The following AKAP5 variants were observed in gnomAD, a reference collection of about 807,000 sequenced individuals.
The protein encoded by AKAP5 is A-kinase anchoring protein 5, also known as A-kinase anchor protein 5.
Under a neutral mutation model 13.8 loss-of-function variants are expected in AKAP5, and 5 were observed. The observed-to-expected ratio is 0.36, with a 90% CI of 0.19 to 0.76. AKAP5 has a LOEUF of 0.76. Ranked by LOEUF, AKAP5 falls within the 30% of genes least tolerant of loss-of-function variation. The pLI is 0.51. For missense variants in AKAP5, 406 were observed against 484.4 expected, an observed-to-expected ratio of 0.84 and a Z score of 1.52; for synonymous variants, 148 against 167.2, an observed-to-expected ratio of 0.89 and a Z score of 0.89.
Position 64,470,662 on chromosome 14 carries a change from G to A in AKAP5, c.*984G>A, listed in dbSNP as rs929244294. On this transcript the variant is annotated 3_prime_UTR_variant, in exon 2 of 2. Transcript: ENST00000394718. ...AGGCAAATTGTTACTAAGTGCAAAA[G>A]TGTAGAAACAGGGAGAGTGGGTTTT... 1 of 165,578 alleles carries A rather than the reference G, an allele frequency of 6.0e-6. No individual in the cohort carries two copies. Among genetic ancestry groups the A allele is most frequent in the Non-Finnish European group, 1.5e-5 (1 of 67,918 alleles). 10.3% of individuals were successfully genotyped at this position (165,578 alleles called of 1,614,324 possible). A position where few individuals can be genotyped will look rare whatever the true frequency, so the allele number is the denominator to read the frequency against.
Position 64,468,457 on chromosome 14 carries a change from T to C in AKAP5, c.63T>C (p.Gly21=), listed in dbSNP as rs1404329712. The change falls in exon 2 of 2, where the codon GGT becomes GGC. Residue 21 remains glycine, a synonymous_variant. Transcript: ENST00000394718. ...ENKDEKRSAE[G]SPGAERQKEK... ...AGGATGAGAAGAGATCAGCAGAAGG[T>C]AGTCCTGGGGCTGAAAGGCAGAAGG... 6.2e-7 allele frequency: 1 copy of C among 1,613,884 alleles called. No homozygotes were observed. The highest frequency in any genetic ancestry group is 8.5e-7 in the Non-Finnish European group (1 of 1,180,012).
rs1370381197 is a variant in AKAP5 at position 64,471,113 on chromosome 14, A to G, written c.*1435A>G. The G allele has an allele frequency of 2.4e-5, 4 of 166,528 alleles. No individual in the cohort carries two copies. Among genetic ancestry groups the G allele is most frequent in the East Asian group, 1.9e-4 (1 of 5,194 alleles). The allele number at this position is 166,528 out of a possible 1,614,324, so 10.3% of individuals were successfully genotyped here. A position where few individuals can be genotyped will look rare whatever the true frequency, so the allele number is the denominator to read the frequency against. ...TTGAGACCAGTAAAAAGCATTTTAC[A>G]TGAATATTGAAAGTTAACTTTTTCA... On this transcript the variant is annotated 3_prime_UTR_variant, in exon 2 of 2. Coordinates refer to ENST00000394718, the MANE Select transcript of AKAP5 (RefSeq NM_004857.3).
At position 64,468,555 on chromosome 14, in the gene AKAP5, A is replaced by T. The variant is rs778633708; in HGVS notation, c.161A>T (p.Glu54Val). 5 of 1,614,110 alleles carry T rather than the reference A, an allele frequency of 3.1e-6. No homozygotes were observed. Among genetic ancestry groups the T allele is most frequent in the African/African-American group, 1.3e-5 (1 of 75,076 alleles). The change falls in exon 2 of 2, where the codon GAA becomes GTA. Residue 54 changes from glutamate (E) to valine (V), a missense_variant. Coordinates refer to ENST00000394718, the MANE Select transcript of AKAP5 (RefSeq NM_004857.3). ...GCACTGAAGCCCAAAGCTGGCTCTG[A>T]AGCTGCTGATGTGGCAAGGAAGTGT... Reference protein sequence around the residue: ...AKALKPKAGSEAADVARKCPQ... With the variant: ...AKALKPKAGSVAADVARKCPQ...
rs1334879267 is a variant in AKAP5, at chr14:64,472,608, G to A, written c.*2930G>A. 6.0e-6 allele frequency: 1 copy of A among 166,970 alleles called. No individual in the cohort carries two copies. Among genetic ancestry groups the A allele is most frequent in the African/African-American group, 2.4e-5 (1 of 41,436 alleles). 10.3% of individuals were successfully genotyped at this position (166,970 alleles called of 1,614,324 possible). A position where few individuals can be genotyped will look rare whatever the true frequency, so the allele number is the denominator to read the frequency against. On this transcript the variant is annotated 3_prime_UTR_variant, in exon 2 of 2. Coordinates refer to ENST00000394718, the MANE Select transcript of AKAP5 (RefSeq NM_004857.3). Reference sequence around the variant, plus strand: ...TTCTGTTTTTCTATTGAGAATATCTGTTGAATTAAGTAGGATTTCAGTTAG... The same window carrying A: ...TTCTGTTTTTCTATTGAGAATATCTATTGAATTAAGTAGGATTTCAGTTAG...
chr14:64,466,342 G>A (rs1423605113), intron 1 of AKAP5, among the ~76,000 whole-genome samples: 1 of 152,154 alleles, frequency 6.6e-6, no homozygotes. Context: ...TTTATTTCTA[G>A]TATGTGAGAT....
rs763569874 is a variant in AKAP5 at position 64,469,403 on chromosome 14, C to T, written c.1009C>T (p.Pro337Ser). The change falls in exon 2 of 2, where the codon CCA (proline) becomes TCA (serine). Residue 337 changes from proline to serine, a missense_variant. Pro to Ser is a moderately conservative substitution (Grantham distance 74). Transcript: ENST00000394718. The part of the protein sequence containing the change: ...SKSEESKRME[P>S]IAIIITDTEI... ...ATCAGAAGAAAGCAAAAGAATGGAGCCAATTGCTATTATTATTACAGACAC... is the reference window on the plus strand; with the variant it reads ...ATCAGAAGAAAGCAAAAGAATGGAGTCAATTGCTATTATTATTACAGACAC... 3.1e-6 allele frequency: 5 copies of T among 1,613,820 alleles called. No individual in the cohort carries two copies. The East Asian group carries it at 8.9e-5, about 29-fold the overall frequency.
Position 64,468,679 on chromosome 14 carries a change from A to C in AKAP5, c.285A>C (p.Ser95=), listed in dbSNP as rs964224672. ...CACGCAGGAAAAGGTCAGAGTCTTCAAAGCAGCAAAAGCCATTGGAGGGTG... is the reference window on the plus strand; with the variant it reads ...CACGCAGGAAAAGGTCAGAGTCTTCCAAGCAGCAAAAGCCATTGGAGGGTG... ...LVTRRKRSES[S]KQQKPLEGEM... Residue 95 remains serine, a synonymous_variant, in exon 2 of 2, where the codon TCA becomes TCC. Transcript: ENST00000394718. 1.1e-5 allele frequency: 17 copies of C among 1,614,104 alleles called. No homozygotes were observed. The highest frequency in any genetic ancestry group is 1.4e-5 in the Non-Finnish European group (17 of 1,180,044).
Position 64,469,736 on chromosome 14 carries a change from T to A in AKAP5, c.*58T>A. 1 of 1,242,210 alleles carries A rather than the reference T, an allele frequency of 8.1e-7. No homozygotes were observed. The highest frequency in any genetic ancestry group is 1.6e-5 in the South Asian group (1 of 63,080). The allele number at this position is 1,242,210 out of a possible 1,614,324, so 76.9% of individuals were successfully genotyped here. ...GCTTAATGAAGAATTCTTTTATACA[T>A]TTGTGGCATTTCTTACTCAGTAACA... On this transcript the variant is annotated 3_prime_UTR_variant, in exon 2 of 2. Coordinates refer to ENST00000394718, the MANE Select transcript of AKAP5 (RefSeq NM_004857.3).
chr14:64,473,368 A>G lies in AKAP5; in HGVS notation c.*3690A>G, dbSNP rs1388740113. ...CAAGGTAATGTATTTGACAGCATGA[A>G]GTTTGTGATGATCTTACTTGGTCTA... On this transcript the variant is annotated 3_prime_UTR_variant, in exon 2 of 2. Coordinates refer to ENST00000394718, the MANE Select transcript of AKAP5 (RefSeq NM_004857.3). The G allele has an allele frequency of 6.0e-6, 1 of 167,068 alleles. No individual in the cohort carries two copies. The highest frequency in any genetic ancestry group is 6.5e-5 in the Admixed American group (1 of 15,288). 10.3% of individuals were successfully genotyped at this position (167,068 alleles called of 1,614,324 possible).
At position 64,465,580 on chromosome 14, in the gene AKAP5, G is replaced by C. The variant is rs1050785730; in HGVS notation, c.-297G>C. Reference sequence around the variant, plus strand: ...GCCCCGCGAGCGCGCCGCCACCTCGGGAGCAGTGTTGGCCAAGGACCCCGA... The same window carrying C: ...GCCCCGCGAGCGCGCCGCCACCTCGCGAGCAGTGTTGGCCAAGGACCCCGA... On this transcript the variant is annotated 5_prime_UTR_variant, in exon 1 of 2. Transcript: ENST00000394718. 6.6e-6 allele frequency: 1 copy of C among 152,146 alleles called. No individual in the cohort carries two copies. The highest frequency in any genetic ancestry group is 2.4e-5 in the African/African-American group (1 of 41,444). The allele number at this position is 152,146 out of a possible 1,614,324, so 9.4% of individuals were successfully genotyped here. A position where few individuals can be genotyped will look rare whatever the true frequency, so the allele number is the denominator to read the frequency against.
At position 64,474,306 on chromosome 14, in the gene AKAP5, T is replaced by C. The variant is rs574745174; in HGVS notation, c.*4628T>C. 1.8e-5 allele frequency: 3 copies of C among 167,202 alleles called. No homozygotes were observed. The East Asian group carries it at 5.8e-4, about 32-fold the overall frequency. 10.4% of individuals were successfully genotyped at this position (167,202 alleles called of 1,614,324 possible). A position where few individuals can be genotyped will look rare whatever the true frequency, so the allele number is the denominator to read the frequency against. On this transcript the variant is annotated 3_prime_UTR_variant, in exon 2 of 2. Coordinates refer to ENST00000394718, the MANE Select transcript of AKAP5 (RefSeq NM_004857.3). ...AAAAAAGCCTGCATAGTGTTACATA[T>C]TTATAGTAGTTCTTTGTAAAAATGT... is the stretch of plus-strand genomic sequence containing the variant.
In AKAP5 at chr14:64,470,117, T is replaced by C. The variant is rs935660320; in HGVS notation, c.*439T>C. On this transcript the variant is annotated 3_prime_UTR_variant, in exon 2 of 2. Coordinates refer to ENST00000394718, the MANE Select transcript of AKAP5 (RefSeq NM_004857.3). ...AAACTTATTTTTTACAGTGCACATA[T>C]ATGTTTAAAATGGTGAATAAGGTGA... 1 of 168,370 alleles carries C rather than the reference T, an allele frequency of 5.9e-6. No individual in the cohort carries two copies. Among genetic ancestry groups the C allele is most frequent in the Non-Finnish European group, 1.5e-5 (1 of 68,960 alleles). The allele number at this position is 168,370 out of a possible 1,614,324, so 10.4% of individuals were successfully genotyped here.
chr14:64,469,341 A>C lies in AKAP5; in HGVS notation c.947A>C (p.Asp316Ala), dbSNP rs1411815356. 28 of 1,613,832 alleles carry C rather than the reference A, an allele frequency of 1.7e-5. No individual in the cohort carries two copies. The highest frequency in any genetic ancestry group is 2.2e-5 in the Non-Finnish European group (26 of 1,179,992). The change falls in exon 2 of 2, where the codon GAT becomes GCT. Residue 316 changes from aspartate to alanine, a missense_variant. Physicochemically the swap from Asp to Ala is moderately radical, Grantham distance 126. Transcript: ENST00000394718. ...PKDTELSQESDFKENGITEEK... is the reference protein window; with the variant it reads ...PKDTELSQESAFKENGITEEK... ...GATACTGAATTGAGCCAAGAATCAG[A>C]TTTTAAAGAAAATGGGATCACTGAA... is the stretch of plus-strand genomic sequence containing the variant.
rs2078636728 is a variant in AKAP5 at position 64,468,685 on chromosome 14, G to A, written c.291G>A (p.Gln97=). The A allele has an allele frequency of 1.2e-6, 2 of 1,613,964 alleles. No homozygotes were observed. The highest frequency in any genetic ancestry group is 1.7e-5 in the Admixed American group (1 of 60,008). ...TRRKRSESSK[Q]QKPLEGEMQP... ...GGAAAAGGTCAGAGTCTTCAAAGCAGCAAAAGCCATTGGAGGGTGAAATGC... is the reference window on the plus strand; with the variant it reads ...GGAAAAGGTCAGAGTCTTCAAAGCAACAAAAGCCATTGGAGGGTGAAATGC... Residue 97 remains glutamine, a synonymous_variant, in exon 2 of 2, where the codon CAG becomes CAA. Coordinates refer to ENST00000394718, the MANE Select transcript of AKAP5 (RefSeq NM_004857.3).
intron 1 of AKAP5, chr14:64,467,469 A>G (rs989591589): frequency 2.6e-5 from 4 of 152,224 alleles, no homozygotes; most frequent in Admixed American, 6.5e-5. Context: ...AAATGTCAAA[A>G]TTGTACAACT....
Position 64,468,356 on chromosome 14 carries a change from A to G in AKAP5, c.-39A>G, listed in dbSNP as rs754732295. 4 of 1,526,556 alleles carry G rather than the reference A, an allele frequency of 2.6e-6. No individual in the cohort carries two copies. Among genetic ancestry groups the G allele is most frequent in the Admixed American group, 4.5e-5 (2 of 44,916 alleles). The allele number at this position is 1,526,556 out of a possible 1,614,324, so 94.6% of individuals were successfully genotyped here. On this transcript the variant is annotated 5_prime_UTR_variant, in exon 2 of 2. Transcript: ENST00000394718. Reference sequence around the variant, plus strand: ...GTCACAAAAGGCTGCTAAGGAAGAGAGAATACAGTTTTCTAGAGAATAAGA... The same window carrying G: ...GTCACAAAAGGCTGCTAAGGAAGAGGGAATACAGTTTTCTAGAGAATAAGA...
rs779914423 is a variant in AKAP5 at position 64,468,355 on chromosome 14, G to T, written c.-40G>T. 2.0e-6 allele frequency: 3 copies of T among 1,525,334 alleles called. No individual in the cohort carries two copies. Among genetic ancestry groups the T allele is most frequent in the Non-Finnish European group, 2.6e-6 (3 of 1,138,110 alleles). 94.5% of individuals were successfully genotyped at this position (1,525,334 alleles called of 1,614,324 possible). A position where few individuals can be genotyped will look rare whatever the true frequency, so the allele number is the denominator to read the frequency against. ...TGTCACAAAAGGCTGCTAAGGAAGA[G>T]AGAATACAGTTTTCTAGAGAATAAG... On this transcript the variant is annotated 5_prime_UTR_variant, in exon 2 of 2. Transcript: ENST00000394718.
In AKAP5 at chr14:64,474,454, ATTAAT is replaced by A. The variant is rs1335566110; in HGVS notation, c.*4780_*4784del. 1 of 167,076 alleles carries A rather than the reference ATTAAT, an allele frequency of 6.0e-6. No individual in the cohort carries two copies. The highest frequency in any genetic ancestry group is 1.5e-5 in the Non-Finnish European group (1 of 68,124). The allele number at this position is 167,076 out of a possible 1,614,324, so 10.3% of individuals were successfully genotyped here. A position where few individuals can be genotyped will look rare whatever the true frequency, so the allele number is the denominator to read the frequency against. On this transcript the variant is annotated 3_prime_UTR_variant, in exon 2 of 2. Coordinates refer to ENST00000394718, the MANE Select transcript of AKAP5 (RefSeq NM_004857.3). ...CTGTAGAAAAAAGGTTTCAAGTTGA[ATTAAT>A]TTATGTACTGATTATTAATACAGAA...
At position 64,472,887 on chromosome 14, in the gene AKAP5, A is replaced by T. The variant is rs558594128; in HGVS notation, c.*3209A>T. On this transcript the variant is annotated 3_prime_UTR_variant, in exon 2 of 2. Transcript: ENST00000394718. ...TCCATTTAACAACATTAAAATAATTATTAGGAACACCACATGAATTTTCTT... is the reference window on the plus strand; with the variant it reads ...TCCATTTAACAACATTAAAATAATTTTTAGGAACACCACATGAATTTTCTT... 6.0e-6 allele frequency: 1 copy of T among 167,202 alleles called. No homozygotes were observed. The highest frequency in any genetic ancestry group is 1.9e-4 in the East Asian group (1 of 5,198). The allele number at this position is 167,202 out of a possible 1,614,324, so 10.4% of individuals were successfully genotyped here.
Sources: gnomAD v4.1 joint callset for allele counts (sites outside exome capture counted in the v4.1 genomes callset) on GRCh38, gnomAD v4.1.1 for gene constraint, MANE v1.5 for transcripts, NCBI Gene and HGNC (gene_info 2026-07-23, HGNC 2026-07-21) for gene names.